RLN2: variants seen among roughly 807,000 people sequenced by gnomAD.
RLN2 encodes the protein relaxin 2.
In RLN2, 10 loss-of-function variants were observed where a neutral mutation model predicts 7.3. That is an observed-to-expected ratio of 1.36 (90% CI 0.84 to 2.31). The LOEUF (loss-of-function observed/expected upper bound fraction) is 2.31, where lower values mean the gene tolerates loss of function less well. Ranked by LOEUF, RLN2 falls within the 30% of genes most tolerant of loss-of-function variation. The pLI is 0.00. For synonymous variants in RLN2, 103 were observed against 82.3 expected, an observed-to-expected ratio of 1.25 and a Z score of -1.36; for missense variants, 298 against 217.6, an observed-to-expected ratio of 1.37 and a Z score of -2.32.
At chr9:5,337,989 C>T in the RLN2 span, among the ~76,000 whole-genome samples, 2 of 151,660 alleles carry the variant, frequency 1.3e-5, no homozygotes, top group South Asian at 4.2e-4. Flanking sequence ...ATGTGAGAAA[C>T]TGCTCAAAGT....
the RLN2 span, among the ~76,000 whole-genome samples, chr9:5,321,709 G>C: frequency 7.3e-6 from 1 of 136,814 alleles, no homozygotes; most frequent in Non-Finnish European, 1.6e-5. Context: ...AATGGTCTGT[G>C]GCTTGGAGGC....
At chr9:5,326,887 A>G in the RLN2 span, among the ~76,000 whole-genome samples, 2 of 152,064 alleles carry the variant, frequency 1.3e-5, no homozygotes, top group Non-Finnish European at 2.9e-5. Context: ...AACAGAAATG[A>G]GGAAGGGGCA....
At position 5,304,520 on chromosome 9, in the gene RLN2, T is replaced by C; in HGVS notation, c.61A>G (p.Arg21Gly). The change falls in exon 1 of 2, where the codon AGA (arginine) becomes GGA (glycine). Residue 21 changes from arginine (R) to glycine (G), a missense_variant. Physicochemically the swap from Arg to Gly is moderately radical, Grantham distance 125. Coordinates refer to ENST00000381627, the MANE Select transcript of RLN2 (RefSeq NM_134441.3). ...GVCLLLNQFS[R>G]AVADSWMEEV... ...TCCATCCATGAGTCCGCGACTGCTC[T>C]GGAAAATTGGTTCAGTAGTAAACAG... The C allele has an allele frequency of 1.2e-6, 2 of 1,613,840 alleles. No individual in the cohort carries two copies. The highest frequency in any genetic ancestry group is 1.7e-6 in the Non-Finnish European group (2 of 1,179,940).
At chr9:5,321,106 A>G in the RLN2 span, among the ~76,000 whole-genome samples, 1 of 152,174 alleles carries the variant, frequency 6.6e-6, no homozygotes, top group Non-Finnish European at 1.5e-5. Context: ...TTTGAAAATC[A>G]CAGTTTTAAC....
At chr9:5,325,815 T>A in the RLN2 span, among the ~76,000 whole-genome samples, 3 of 152,092 alleles carry the variant, frequency 2.0e-5, no homozygotes. Flanking sequence ...TTCTTTAAGG[T>A]TGCAATATCT....
In RLN2 at chr9:5,304,595, C is replaced by G. The variant is rs775637597; in HGVS notation, c.-15G>C. The G allele has an allele frequency of 4.2e-5, 67 of 1,612,716 alleles. No homozygotes were observed. Among genetic ancestry groups the G allele is most frequent in the Non-Finnish European group, 5.1e-5 (60 of 1,179,066 alleles). On this transcript the variant is annotated 5_prime_UTR_variant, in exon 1 of 2. Coordinates refer to ENST00000381627, the MANE Select transcript of RLN2 (RefSeq NM_134441.3). ...AGGCGAGGCATCCTGGGCCTGGTCT[C>G]TCCTGGAGGTCGGGACGTTGCAGCC...
chr9:5,329,915 A>G, the RLN2 span, among the ~76,000 whole-genome samples: 1 of 152,020 alleles, frequency 6.6e-6, no homozygotes, highest in Non-Finnish European at 1.5e-5. Context: ...CAGACCTAAT[A>G]GACATCTACA....
At chr9:5,314,663 G>C in the RLN2 span, among the ~76,000 whole-genome samples, 1 of 151,984 alleles carries the variant, frequency 6.6e-6, no homozygotes, top group Admixed American at 6.6e-5. Flanking sequence ...TAGAGTATGA[G>C]CTGCTGAGAT....
At chr9:5,313,261 A>C in the RLN2 span, among the ~76,000 whole-genome samples, 1 of 152,018 alleles carries the variant, frequency 6.6e-6, no homozygotes, top group South Asian at 2.1e-4. Context: ...TCTGATGTTG[A>C]ATGCATATGT....
upstream of RLN2, among the ~76,000 whole-genome samples, chr9:5,305,400 C>CAG (rs1435074962): frequency 1.5e-3 from 189 of 124,194 alleles, no homozygotes; most frequent in African/African-American, 3.6e-3. Flanking sequence ...CACACACACA[C>CAG]ACAGAGAGAG....
chr9:5,327,291 A>G, the RLN2 span, among the ~76,000 whole-genome samples: 7 of 152,076 alleles, frequency 4.6e-5, no homozygotes, highest in Non-Finnish European at 7.4e-5. Context: ...CTTGCTCACT[A>G]CTAGCGCAGC....
At chr9:5,337,619 A>T in the RLN2 span, among the ~76,000 whole-genome samples, 2 of 152,160 alleles carry the variant, frequency 1.3e-5, no homozygotes, top group East Asian at 1.9e-4. Context: ...ACCTAACAGT[A>T]TAAGTCTGAA....
At chr9:5,314,209 G>C in the RLN2 span, among the ~76,000 whole-genome samples, 1 of 152,048 alleles carries the variant, frequency 6.6e-6, no homozygotes, top group East Asian at 1.9e-4. Flanking sequence ...CCTGTTCTGG[G>C]GATAGGTAGC....
chr9:5,322,729 G>A, the RLN2 span, among the ~76,000 whole-genome samples: 6 of 151,998 alleles, frequency 3.9e-5, no homozygotes, highest in African/African-American at 1.5e-4. Flanking sequence ...CACTGGAGAT[G>A]TCCATATCTG....
the RLN2 span, among the ~76,000 whole-genome samples, chr9:5,328,358 G>C: frequency 6.6e-6 from 1 of 151,972 alleles, no homozygotes; most frequent in Non-Finnish European, 1.5e-5. Flanking sequence ...GACAAGATTA[G>C]AGAAAAAAGA....
the RLN2 span, among the ~76,000 whole-genome samples, chr9:5,333,710 C>A: frequency 6.6e-6 from 1 of 151,762 alleles, no homozygotes; most frequent in African/African-American, 2.4e-5. Flanking sequence ...GGCAGACATA[C>A]AACAAAAAAA....
the RLN2 span, among the ~76,000 whole-genome samples, chr9:5,328,180 T>A: frequency 6.6e-6 from 1 of 151,870 alleles, no homozygotes; most frequent in African/African-American, 2.4e-5. Flanking sequence ...GTTAGACGAA[T>A]GGCTAACTAG....
the RLN2 span, among the ~76,000 whole-genome samples, chr9:5,324,948 C>T: frequency 1.1e-3 from 167 of 152,020 alleles, no homozygotes; most frequent in African/African-American, 3.8e-3. Flanking sequence ...TATTCTGAGG[C>T]GTTGCTTTGC....
the RLN2 span, chr9:5,311,564 C>G: frequency 5.2e-6 from 4 of 774,034 alleles, no homozygotes; most frequent in South Asian, 4.0e-5. Flanking sequence ...AGAGCTCAAG[C>G]CTAAAAACGC....
Sources: allele counts gnomAD v4.1 joint callset (sites outside exome capture counted in the v4.1 genomes callset), GRCh38; gene constraint gnomAD v4.1.1; transcripts MANE v1.5; gene names NCBI Gene and HGNC (gene_info 2026-07-23, HGNC 2026-07-21).